Variants in MATCAP2 observed in about 807,000 individuals in gnomAD.
MATCAP2 encodes the protein microtubule associated tyrosine carboxypeptidase 2.
chr7:36,333,212 C>A, the MATCAP2 span, among the ~76,000 whole-genome samples: 4 of 152,202 alleles, frequency 2.6e-5, no homozygotes. Flanking sequence ...ATACATGCTA[C>A]AACATGAATG....
the MATCAP2 span, among the ~76,000 whole-genome samples, chr7:36,339,445 T>C: frequency 6.6e-6 from 1 of 152,194 alleles, no homozygotes; most frequent in Non-Finnish European, 1.5e-5. Context: ...CAAATGCAGA[T>C]TTTTGGCCAC....
the MATCAP2 span, among the ~76,000 whole-genome samples, chr7:36,375,483 C>T: frequency 1.3e-5 from 2 of 152,122 alleles, no homozygotes; most frequent in East Asian, 1.9e-4. Context: ...CTGCTGGATT[C>T]GGTTTGCCAG....
At chr7:36,348,279 T>G in the MATCAP2 span, among the ~76,000 whole-genome samples, 3 of 152,206 alleles carry the variant, frequency 2.0e-5, no homozygotes, top group Admixed American at 1.3e-4. Flanking sequence ...TTGTGATTAC[T>G]CAATCAGATC....
chr7:36,325,262 G>A, the MATCAP2 span: 1 of 152,324 alleles, frequency 6.6e-6, no homozygotes, highest in African/African-American at 2.4e-5. Flanking sequence ...GGGGAGCAGG[G>A]GCTAAGGCCT....
the MATCAP2 span, among the ~76,000 whole-genome samples, chr7:36,373,855 G>C: frequency 6.6e-6 from 1 of 152,090 alleles, no homozygotes; most frequent in African/African-American, 2.4e-5. Flanking sequence ...CACGATCTCA[G>C]CTCACTGCAA....
At chr7:36,342,523 G>C in the MATCAP2 span, among the ~76,000 whole-genome samples, 1 of 152,166 alleles carries the variant, frequency 6.6e-6, no homozygotes, top group African/African-American at 2.4e-5. Flanking sequence ...CAACTCTCAG[G>C]AAGTCAAGAC....
chr7:36,349,901 T>G, the MATCAP2 span, among the ~76,000 whole-genome samples: 1 of 152,188 alleles, frequency 6.6e-6, no homozygotes, highest in Non-Finnish European at 1.5e-5. Context: ...AAATCTTTCT[T>G]GCTATTTAGG....
At chr7:36,353,940 C>T in the MATCAP2 span, among the ~76,000 whole-genome samples, 4 of 152,198 alleles carry the variant, frequency 2.6e-5, no homozygotes, top group Non-Finnish European at 4.4e-5. Flanking sequence ...AAGAGCACCA[C>T]TAAGAATCTA....
At chr7:36,378,721 C>A in the MATCAP2 span, among the ~76,000 whole-genome samples, 1 of 152,210 alleles carries the variant, frequency 6.6e-6, no homozygotes, top group Admixed American at 6.5e-5. Context: ...TCTACAGAGG[C>A]AGACAGGCCT....
At chr7:36,367,439 T>C in the MATCAP2 span, among the ~76,000 whole-genome samples, 2 of 152,108 alleles carry the variant, frequency 1.3e-5, no homozygotes, top group South Asian at 2.1e-4. Context: ...GTAACGCATA[T>C]TGACTGATCT....
the MATCAP2 span, among the ~76,000 whole-genome samples, chr7:36,350,056 A>C: frequency 6.6e-6 from 1 of 152,214 alleles, no homozygotes; most frequent in Non-Finnish European, 1.5e-5. Flanking sequence ...ACCTAGGAAA[A>C]GGTATAATTT....
the MATCAP2 span, among the ~76,000 whole-genome samples, chr7:36,388,462 T>C: frequency 6.6e-6 from 1 of 152,230 alleles, no homozygotes; most frequent in Non-Finnish European, 1.5e-5. Context: ...TAATGTTGAT[T>C]GACTGCTAAG....
At chr7:36,365,974 T>G in the MATCAP2 span, among the ~76,000 whole-genome samples, 1 of 152,212 alleles carries the variant, frequency 6.6e-6, no homozygotes, top group Admixed American at 6.5e-5. Flanking sequence ...CGTATAACAC[T>G]GAACGTGAAA....
At chr7:36,328,205 G>A in the MATCAP2 span, among the ~76,000 whole-genome samples, 2 of 129,722 alleles carry the variant, frequency 1.5e-5, no homozygotes, top group Non-Finnish European at 1.6e-5. Context: ...ACAGACATGT[G>A]CCACCATGCC....
the MATCAP2 span, among the ~76,000 whole-genome samples, chr7:36,347,429 A>G: frequency 1.3e-5 from 2 of 152,324 alleles, no homozygotes; most frequent in East Asian, 3.9e-4. Flanking sequence ...TGAGGACACC[A>G]GTATGATAGG....
chr7:36,385,250 T>C, the MATCAP2 span, among the ~76,000 whole-genome samples: 6 of 152,252 alleles, frequency 3.9e-5, no homozygotes, highest in Non-Finnish European at 8.8e-5. Flanking sequence ...CTCCAAATTA[T>C]GTGATAAATT....
chr7:36,366,667 A>G, the MATCAP2 span: 2 of 1,532,932 alleles, frequency 1.3e-6, no homozygotes, highest in South Asian at 2.4e-5. Flanking sequence ...GTCTAATATT[A>G]CAATCTTTTC....
chr7:36,336,014 G>A, the MATCAP2 span: 1 of 493,652 alleles, frequency 2.0e-6, no homozygotes, highest in Admixed American at 4.3e-5. Context: ...GGAGGTTGCA[G>A]TGAGCCGAGA....
the MATCAP2 span, among the ~76,000 whole-genome samples, chr7:36,350,368 G>A: frequency 2.0e-5 from 3 of 152,104 alleles, no homozygotes; most frequent in African/African-American, 7.2e-5. Context: ...TCAAAAGACT[G>A]TTTTCAGAGG....
Sources: allele counts gnomAD v4.1 joint callset (sites outside exome capture counted in the v4.1 genomes callset), GRCh38; gene constraint gnomAD v4.1.1; transcripts MANE v1.5; gene names NCBI Gene and HGNC (gene_info 2026-07-23, HGNC 2026-07-21).